The following PPP2R2C variants were observed in gnomAD, a reference collection of about 807,000 sequenced individuals.
The protein encoded by PPP2R2C is protein phosphatase 2, regulatory subunit B, gamma.
In PPP2R2C, 10 loss-of-function variants were observed where a neutral mutation model predicts 45.3. The ratio of observed to expected loss-of-function variants is 0.22; its 90% CI spans 0.14 to 0.37. PPP2R2C has a LOEUF of 0.37. Ranked by LOEUF, PPP2R2C falls within the 10% of genes least tolerant of loss-of-function variation. The pLI, the probability that PPP2R2C is intolerant of heterozygous loss-of-function variation, is 1.00. For missense variants in PPP2R2C, 308 were observed against 619.7 expected, an observed-to-expected ratio of 0.50 and a Z score of 5.34; for synonymous variants, 257 against 245.4, an observed-to-expected ratio of 1.05 and a Z score of -0.44.
At chr4:6,434,505 T>G (rs1719797635) in intron 1 of PPP2R2C, among the ~76,000 whole-genome samples, 1 of 151,912 alleles carries the variant, frequency 6.6e-6, no homozygotes, top group Non-Finnish European at 1.5e-5. Context: ...ATTACAGGCA[T>G]GCACCACCAC....
chr4:6,349,107 G>A lies in PPP2R2C; in HGVS notation c.626-1097C>T. ...AGCATGCAAGGACTGGCACCCCCGA[G>A]CTTCTCTCCGGCTTTCCAGCTTCAG... is the stretch of plus-strand genomic sequence containing the variant. On this transcript the variant is annotated intron_variant, in intron 5 of 8. Transcript: ENST00000382599. The A allele has an allele frequency of 4.1e-6, 4 of 985,380 alleles. No homozygotes were observed. In the South Asian group the frequency reaches 1.9e-4, roughly 46 times the overall value. The allele number at this position is 985,380 out of a possible 1,614,324, so 61.0% of individuals were successfully genotyped here.
intron 1 of PPP2R2C, among the ~76,000 whole-genome samples, chr4:6,458,228 C>A (rs1721142581): frequency 1.3e-5 from 2 of 152,222 alleles, no homozygotes; most frequent in South Asian, 2.1e-4. Flanking sequence ...AAACATCATG[C>A]AGGCTCATCA....
rs1722294475 is a variant in PPP2R2C, at chr4:6,480,004, CCCAGCT to C, written c.49+55261_49+55266del. On this transcript the variant is annotated intron_variant, in intron 2 of 9. Coordinates refer to the PPP2R2C transcript ENST00000506140. ...GGGACTACACACACAAGCCAAAGTG[CCCAGCT>C]TTGCTTCGGTTCTTTTCATTTGAAA... is the stretch of plus-strand genomic sequence containing the variant. Among the ~76,000 whole-genome samples the C allele has an allele frequency of 1.3e-5, 2 of 152,114 alleles. 1 individual carries two copies. The highest frequency in any genetic ancestry group is 2.9e-5 in the Non-Finnish European group (2 of 68,024).
At chr4:6,434,001 G>T (rs1006832660) in intron 1 of PPP2R2C, among the ~76,000 whole-genome samples, 1 of 152,182 alleles carries the variant, frequency 6.6e-6, no homozygotes, top group Admixed American at 6.5e-5. Context: ...CACTCACTCA[G>T]CTCTCCTGTC....
chr4:6,388,292 T>A (rs372599127), intron 1 of PPP2R2C, among the ~76,000 whole-genome samples: 46 of 151,934 alleles, frequency 3.0e-4, no homozygotes, highest in African/African-American at 1.1e-3. Context: ...AGGTGAGAGG[T>A]GGTATCCCTA....
chr4:6,489,136 C>G (rs1001297126), intron 2 of PPP2R2C, among the ~76,000 whole-genome samples: 4 of 152,188 alleles, frequency 2.6e-5, no homozygotes, highest in Non-Finnish European at 5.9e-5. Context: ...AGTGGGCAAC[C>G]TCTCCCTGCA....
chr4:6,465,834 G>T (rs1446857186), intron 1 of PPP2R2C, among the ~76,000 whole-genome samples: 1 of 152,132 alleles, frequency 6.6e-6, no homozygotes, highest in Non-Finnish European at 1.5e-5. Context: ...TAACTTAACT[G>T]TTCTTATTTC....
At chr4:6,441,251 T>C (rs1012522666) in intron 1 of PPP2R2C, among the ~76,000 whole-genome samples, 10 of 152,094 alleles carry the variant, frequency 6.6e-5, no homozygotes, top group Non-Finnish European at 1.5e-4. Context: ...AATCTCAACA[T>C]TGCTACAGCC....
intron 2 of PPP2R2C, among the ~76,000 whole-genome samples, chr4:6,485,848 T>G (rs895418360): frequency 6.6e-6 from 1 of 151,954 alleles, no homozygotes; most frequent in African/African-American, 2.4e-5. Context: ...AACTTTTGGA[T>G]TAATTTATTT....
intron 2 of PPP2R2C, among the ~76,000 whole-genome samples, chr4:6,494,046 C>A (rs1472345262): frequency 6.6e-6 from 1 of 152,232 alleles, no homozygotes; most frequent in Non-Finnish European, 1.5e-5. Flanking sequence ...ATTTTTTAAA[C>A]CACCTTAGGG....
intron 5 of PPP2R2C, among the ~76,000 whole-genome samples, chr4:6,361,585 T>C (rs1456625179): frequency 6.6e-6 from 1 of 152,228 alleles, no homozygotes; most frequent in Admixed American, 6.5e-5. Flanking sequence ...TTAAATTGAA[T>C]TTAGTTAAAT....
In PPP2R2C at chr4:6,360,438, C is replaced by T. The variant is rs1351556925; in HGVS notation, c.625+12085G>A. On this transcript the variant is annotated intron_variant, in intron 5 of 8. Transcript: ENST00000382599. ...AGAGGGCTGCAGCCTTGGGCTCCACCGATTTCACCGAGCACAGTGAGGCTC... is the reference window on the plus strand; with the variant it reads ...AGAGGGCTGCAGCCTTGGGCTCCACTGATTTCACCGAGCACAGTGAGGCTC... Among the ~76,000 whole-genome samples the T allele has an allele frequency of 2.6e-5, 4 of 152,116 alleles. No individual in the cohort carries two copies. In the South Asian group the frequency reaches 8.3e-4, roughly 32 times the overall value.
At chr4:6,427,593 CA>C (rs1297052591) in intron 1 of PPP2R2C, among the ~76,000 whole-genome samples, 1 of 152,238 alleles carries the variant, frequency 6.6e-6, no homozygotes, top group Non-Finnish European at 1.5e-5. Flanking sequence ...TTGCCCTCCT[CA>C]GTGGCTCCTT....
At chr4:6,542,284 TC>T (rs1724824531) in intron 1 of PPP2R2C, among the ~76,000 whole-genome samples, 1 of 152,036 alleles carries the variant, frequency 6.6e-6, no homozygotes. Context: ...TAGGGGATGC[TC>T]CCCCAAACCT....
At chr4:6,488,265 A>T (rs1722590844) in intron 2 of PPP2R2C, among the ~76,000 whole-genome samples, 1 of 152,164 alleles carries the variant, frequency 6.6e-6, no homozygotes, top group Non-Finnish European at 1.5e-5. Flanking sequence ...GCTTCATTGC[A>T]TGGCTAGTAA....
intron 1 of PPP2R2C, 109 bp from the exon 2 acceptor site, chr4:6,381,203 A>G: frequency 1.3e-6 from 2 of 1,543,028 alleles, no homozygotes; most frequent in Non-Finnish European, 1.7e-6. Context: ...GAGGCCCCAC[A>G]GCCCTGGGCA....
At chr4:6,367,173 C>A (rs1714397187) in intron 5 of PPP2R2C, among the ~76,000 whole-genome samples, 1 of 151,996 alleles carries the variant, frequency 6.6e-6, no homozygotes, top group African/African-American at 2.4e-5. Context: ...CTCTGAGTCA[C>A]CTTTCTCATT....
intron 2 of PPP2R2C, among the ~76,000 whole-genome samples, chr4:6,535,003 C>G (rs1724555425): frequency 6.6e-6 from 1 of 152,236 alleles, no homozygotes; most frequent in Non-Finnish European, 1.5e-5. Context: ...CTGCCACAGT[C>G]CACAAGGAGG....
chr4:6,390,156 G>T (rs1310934262), intron 1 of PPP2R2C, among the ~76,000 whole-genome samples: 1 of 152,196 alleles, frequency 6.6e-6, no homozygotes, highest in Non-Finnish European at 1.5e-5. Context: ...ACAGGGGAGA[G>T]CTGCTTAGGA....
Sources: gnomAD v4.1 joint callset for allele counts (sites outside exome capture counted in the v4.1 genomes callset) on GRCh38, gnomAD v4.1.1 for gene constraint, MANE v1.5 for transcripts, NCBI Gene and HGNC (gene_info 2026-07-23, HGNC 2026-07-21) for gene names.